PRIM2: variants seen among roughly 807,000 people sequenced by gnomAD.
The protein encoded by PRIM2 is DNA primase large subunit.
Under a neutral mutation model 67.3 loss-of-function variants are expected in PRIM2, and 39 were observed. That is an observed-to-expected ratio of 0.58 (90% confidence interval 0.45 to 0.76). The LOEUF (loss-of-function observed/expected upper bound fraction) is 0.76. Among genes scored for constraint, PRIM2 ranks in the 30% least tolerant of loss-of-function variants. The pLI, the probability that PRIM2 is intolerant of heterozygous loss-of-function variation, is 0.00. For missense variants in PRIM2, 398 were observed against 598.7 expected, an observed-to-expected ratio of 0.66 and a Z score of 3.50; for synonymous variants, 143 against 198.7, an observed-to-expected ratio of 0.72 and a Z score of 2.36.
intron 7 of PRIM2, among the ~76,000 whole-genome samples, chr6:57,478,321 G>T (rs1773527420): frequency 6.9e-6 from 1 of 145,878 alleles, no homozygotes; most frequent in East Asian, 2.0e-4. Flanking sequence ...TGTTGTTGTG[G>T]TTGTGTTTTT....
At chr6:57,268,611 C>G in the PRIM2 span, among the ~76,000 whole-genome samples, 1 of 151,610 alleles carries the variant, frequency 6.6e-6, no homozygotes, top group Non-Finnish European at 1.5e-5. Flanking sequence ...GCAATTTCCC[C>G]CCACATTTAC....
At chr6:57,497,694 T>G (rs2127412551) in intron 7 of PRIM2, 1 of 152,364 alleles carries the variant, frequency 6.6e-6, no homozygotes, top group African/African-American at 2.4e-5. Context: ...AAATCATGTT[T>G]GCAGTCAGCT....
At chr6:57,225,925 AT>A in the PRIM2 span, among the ~76,000 whole-genome samples, 1 of 152,058 alleles carries the variant, frequency 6.6e-6, no homozygotes, top group African/African-American at 2.4e-5. Context: ...TGGAAAAAAA[AT>A]TTTTTCTAGT....
At chr6:57,344,754 T>C (rs986420692) in intron 5 of PRIM2, among the ~76,000 whole-genome samples, 31 of 152,180 alleles carry the variant, frequency 2.0e-4, no homozygotes, top group Non-Finnish European at 2.5e-4. Flanking sequence ...TTTATGCATA[T>C]AGTTGTAAAA....
intron 5 of PRIM2, among the ~76,000 whole-genome samples, chr6:57,370,347 T>C (rs1769502833): frequency 6.6e-6 from 1 of 152,218 alleles, no homozygotes; most frequent in Non-Finnish European, 1.5e-5. Context: ...GTAAAGAGAA[T>C]ATTCAGGATT....
At chr6:57,288,378 A>G in the PRIM2 span, among the ~76,000 whole-genome samples, 2 of 152,328 alleles carry the variant, frequency 1.3e-5, no homozygotes, top group Non-Finnish European at 2.9e-5. Flanking sequence ...ATATCAGAAC[A>G]AAAGGCAGCA....
chr6:57,420,987 GA>G (rs1445570774), intron 7 of PRIM2, among the ~76,000 whole-genome samples: 3 of 152,200 alleles, frequency 2.0e-5, no homozygotes, highest in African/African-American at 7.2e-5. Context: ...GTAGCAGCAT[GA>G]AATGGGGAGA....
chr6:57,388,231 T>C (rs1402469245), intron 7 of PRIM2, among the ~76,000 whole-genome samples: 1 of 152,210 alleles, frequency 6.6e-6, no homozygotes, highest in Non-Finnish European at 1.5e-5. Flanking sequence ...ATCTGATTTA[T>C]GTTTTAAATA....
the PRIM2 span, among the ~76,000 whole-genome samples, chr6:57,265,613 TTG>T: frequency 1.3e-5 from 2 of 152,322 alleles, no homozygotes; most frequent in African/African-American, 4.8e-5. Flanking sequence ...GTGATTTGAT[TTG>T]TGTGTTTTAG....
At chr6:57,582,963 G>A (rs1465020655) in intron 10 of PRIM2, among the ~76,000 whole-genome samples, 6 of 99,372 alleles carry the variant, frequency 6.0e-5, no homozygotes, top group African/African-American at 2.5e-4. Context: ...ACAGTCCCCA[G>A]AGTGTGATGT....
chr6:57,457,580 C>T (rs1287071347), intron 7 of PRIM2, among the ~76,000 whole-genome samples: 1 of 152,180 alleles, frequency 6.6e-6, no homozygotes, highest in African/African-American at 2.4e-5. Flanking sequence ...TGTAGGACCC[C>T]CGAGCCAGGC....
intron 13 of PRIM2, among the ~76,000 whole-genome samples, chr6:57,642,753 T>C (rs1262083886): frequency 1.3e-5 from 2 of 152,214 alleles, no homozygotes; most frequent in African/African-American, 4.8e-5. Context: ...TTAAATATTA[T>C]ATCTTAAAGT....
At chr6:57,452,796 C>T (rs1405036590) in intron 7 of PRIM2, among the ~76,000 whole-genome samples, 2 of 152,174 alleles carry the variant, frequency 1.3e-5, no homozygotes, top group Non-Finnish European at 2.9e-5. Context: ...TTGATTAGAT[C>T]CCATTTGTCA....
chr6:57,483,130 A>G (rs1773669392), intron 7 of PRIM2, among the ~76,000 whole-genome samples: 1 of 151,918 alleles, frequency 6.6e-6, no homozygotes, highest in Non-Finnish European at 1.5e-5. Flanking sequence ...CTGGTCTCAA[A>G]CTCCTGACCT....
chr6:57,369,009 A>T (rs1366519729), intron 5 of PRIM2, among the ~76,000 whole-genome samples: 2 of 152,204 alleles, frequency 1.3e-5, no homozygotes, highest in Non-Finnish European at 2.9e-5. Context: ...ATGCTCAGAA[A>T]GCTTTTGCTT....
At chr6:57,386,116 T>G (rs550755370) in intron 7 of PRIM2, among the ~76,000 whole-genome samples, 1 of 151,668 alleles carries the variant, frequency 6.6e-6, no homozygotes, top group South Asian at 2.1e-4. Flanking sequence ...CTGAGTGGGG[T>G]GGCTCACACC....
At chr6:57,549,095 C>G (rs1385277524) in intron 10 of PRIM2, among the ~76,000 whole-genome samples, 7 of 152,238 alleles carry the variant, frequency 4.6e-5, no homozygotes, top group Non-Finnish European at 8.8e-5. Context: ...CAGTACTAGG[C>G]TATAAATTTG....
At chr6:57,476,662 CTT>C (rs1400011451) in intron 7 of PRIM2, among the ~76,000 whole-genome samples, 3 of 152,152 alleles carry the variant, frequency 2.0e-5, no homozygotes, top group Admixed American at 6.5e-5. Flanking sequence ...TTATAGTACT[CTT>C]TGCTAAAAAT....
chr6:57,390,133 T>G (rs1335544704), intron 7 of PRIM2: 1 of 154,830 alleles, frequency 6.5e-6, no homozygotes, highest in Non-Finnish European at 1.5e-5. Flanking sequence ...CATGAGACTA[T>G]TAGGATGGTG....
Sources: allele counts gnomAD v4.1 joint callset (sites outside exome capture counted in the v4.1 genomes callset), GRCh38; gene constraint gnomAD v4.1.1; transcripts MANE v1.5; gene names NCBI Gene and HGNC (gene_info 2026-07-23, HGNC 2026-07-21).